Variants in SSH2 observed in about 807,000 individuals in gnomAD.
SSH2 encodes the protein slingshot protein phosphatase 2.
In SSH2, 37 loss-of-function variants were observed where a neutral mutation model predicts 135.2. That is an observed-to-expected ratio of 0.27 (90% CI 0.21 to 0.36). The LOEUF is 0.36. SSH2 is among the 10% of genes least tolerant of loss of function. The pLI, the probability that SSH2 is intolerant of heterozygous loss-of-function variation, is 1.00. For synonymous variants in SSH2, 628 were observed against 646.2 expected, an observed-to-expected ratio of 0.97 and a Z score of 0.43; for missense variants, 1,408 against 1,765.3, an observed-to-expected ratio of 0.80 and a Z score of 3.63.
intron 1 of SSH2, among the ~76,000 whole-genome samples, chr17:29,915,649 G>A (rs2066868238): frequency 6.6e-6 from 1 of 151,982 alleles, no homozygotes; most frequent in South Asian, 2.1e-4. Flanking sequence ...AAACTTTCAA[G>A]GGAAGAAGAA....
intron 3 of SSH2, chr17:29,761,029 A>T: frequency 9.3e-7 from 1 of 1,069,728 alleles, no homozygotes; most frequent in Non-Finnish European, 1.2e-6. Flanking sequence ...ACCTCCAGGC[A>T]AGCAGGATGC....
chr17:29,741,255 T>C (rs987202399), intron 3 of SSH2, among the ~76,000 whole-genome samples: 2 of 152,318 alleles, frequency 1.3e-5, no homozygotes, highest in South Asian at 4.1e-4. Flanking sequence ...GATGGGAGTG[T>C]AGACTGGTCC....
At chr17:29,701,064 G>A (rs1238400964) in intron 4 of SSH2, among the ~76,000 whole-genome samples, 2 of 150,428 alleles carry the variant, frequency 1.3e-5, no homozygotes, top group East Asian at 2.0e-4. Flanking sequence ...TCCGCCTCCC[G>A]GGTTCACACC....
intron 2 of SSH2, among the ~76,000 whole-genome samples, chr17:29,844,425 A>G (rs79839919): frequency 0.035 from 5,378 of 152,292 alleles, 138 homozygotes; most frequent in African/African-American, 0.063. Context: ...CATAAGCACA[A>G]TAATTGGAAT....
intron 1 of SSH2, among the ~76,000 whole-genome samples, chr17:29,919,742 G>A (rs1459681205): frequency 1.4e-5 from 2 of 143,308 alleles, no homozygotes; most frequent in Non-Finnish European, 3.0e-5. Context: ...TTACTGAATG[G>A]AAAAACTACA....
chr17:29,689,077 G>A lies in SSH2; in HGVS notation c.358-4393C>T, dbSNP rs1245047156. On this transcript the variant is annotated intron_variant, in intron 5 of 15. Coordinates refer to ENST00000540801, the MANE Select transcript of SSH2 (RefSeq NM_001282129.2). ...GGAGGCTGAGGCAGGAGAATTGCTG[G>A]AACCCAGGAGGAGGAGGTTGCAGTA... Among the ~76,000 whole-genome samples the A allele has an allele frequency of 2.0e-5, 3 of 151,954 alleles. No individual in the cohort carries two copies. In the South Asian group the frequency reaches 6.2e-4, roughly 31 times the overall value.
At chr17:29,662,632 AT>A (rs528374361) in intron 11 of SSH2, among the ~76,000 whole-genome samples, 11 of 151,558 alleles carry the variant, frequency 7.3e-5, no homozygotes, top group East Asian at 1.9e-4. Context: ...CAATTTGAGG[AT>A]TTTTTTTTAA....
chr17:29,722,578 C>T (rs560013204), intron 3 of SSH2, among the ~76,000 whole-genome samples: 30 of 152,102 alleles, frequency 2.0e-4, no homozygotes, highest in South Asian at 6.2e-4. Flanking sequence ...GACACAATTA[C>T]GCAAAAAGCT....
At chr17:29,695,091 C>T (rs2151103274) in intron 5 of SSH2, among the ~76,000 whole-genome samples, 1 of 152,250 alleles carries the variant, frequency 6.6e-6, no homozygotes, top group African/African-American at 2.4e-5. Flanking sequence ...CCTCCTTGTC[C>T]TTCCCTATGT....
chr17:29,861,296 G>T (rs1020092801), intron 1 of SSH2, among the ~76,000 whole-genome samples: 1 of 152,018 alleles, frequency 6.6e-6, no homozygotes, highest in African/African-American at 2.4e-5. Context: ...TAAAATCTTT[G>T]CCTGTTCCTA....
chr17:29,799,703 C>T (rs2042216916), intron 2 of SSH2, among the ~76,000 whole-genome samples: 1 of 150,584 alleles, frequency 6.6e-6, no homozygotes, highest in Non-Finnish European at 1.5e-5. Flanking sequence ...GCAAAAACAC[C>T]CCTGATGCTT....
At chr17:29,845,819 G>A (rs577455105) in intron 2 of SSH2, among the ~76,000 whole-genome samples, 133 of 151,876 alleles carry the variant, frequency 8.8e-4, no homozygotes, top group Non-Finnish European at 1.4e-3. Context: ...CTTGGCCTCC[G>A]AAAGTGTTGG....
intron 1 of SSH2, among the ~76,000 whole-genome samples, chr17:29,921,106 A>T (rs2066968811): frequency 6.6e-6 from 1 of 152,204 alleles, no homozygotes; most frequent in Admixed American, 6.5e-5. Context: ...ATGTAAATTA[A>T]AACAACAATA....
chr17:29,908,748 A>G (rs1282328282), intron 1 of SSH2, among the ~76,000 whole-genome samples: 2 of 130,874 alleles, frequency 1.5e-5, no homozygotes, highest in South Asian at 2.7e-4. Flanking sequence ...TGGGCAACAG[A>G]GCAAGACTCC....
rs539696346 is a variant in SSH2 at position 29,770,266 on chromosome 17, C to G, written c.188+23628G>C. Among the ~76,000 whole-genome samples, 35 of 151,264 alleles carry G rather than the reference C, an allele frequency of 2.3e-4. No homozygotes were observed. In the East Asian group the frequency reaches 5.6e-3, roughly 24 times the overall value. On this transcript the variant is annotated intron_variant, in intron 3 of 15. Transcript: ENST00000540801. The stretch of plus-strand genomic sequence containing the variant: ...TGGAATTACAGGCTCGAGCCACCAC[C>G]CCCGGCTAATTTTTGTATTTTTGGT...
chr17:29,682,688 GA>G (rs1219135474), intron 6 of SSH2, among the ~76,000 whole-genome samples: 2 of 152,116 alleles, frequency 1.3e-5, no homozygotes, highest in Admixed American at 1.3e-4. Context: ...AGGCAAGAAG[GA>G]AGGAAGGGGC....
intron 3 of SSH2, among the ~76,000 whole-genome samples, chr17:29,738,858 C>T (rs757494366): frequency 3.9e-5 from 6 of 151,958 alleles, no homozygotes; most frequent in East Asian, 1.9e-4. Flanking sequence ...CCGGCCTCTG[C>T]GGCTTAATTT....
chr17:29,841,971 C>T (rs920487147), intron 2 of SSH2, among the ~76,000 whole-genome samples: 8 of 136,766 alleles, frequency 5.8e-5, no homozygotes, highest in Admixed American at 1.7e-4. Context: ...TGAGCTTAAG[C>T]GATCCTCCCG....
chr17:29,928,944 C>T (rs1426204493), intron 1 of SSH2, among the ~76,000 whole-genome samples: 1 of 152,104 alleles, frequency 6.6e-6, no homozygotes, highest in Non-Finnish European at 1.5e-5. Flanking sequence ...CCCAGTTGCT[C>T]GCATTTTCAC....
Sources: gnomAD v4.1 joint callset for allele counts (sites outside exome capture counted in the v4.1 genomes callset) on GRCh38, gnomAD v4.1.1 for gene constraint, MANE v1.5 for transcripts, NCBI Gene and HGNC (gene_info 2026-07-23, HGNC 2026-07-21) for gene names.